SETD1B: variants seen among roughly 807,000 people sequenced by gnomAD.
SETD1B encodes the protein histone-lysine N-methyltransferase SETD1B.
Under a neutral mutation model 148.0 loss-of-function variants are expected in SETD1B, and 7 were observed. That is an observed-to-expected ratio of 0.05 (90% CI 0.03 to 0.09). The LOEUF (loss-of-function observed/expected upper bound fraction) is 0.09, where lower values mean the gene tolerates loss of function less well. SETD1B is among the 10% of genes least tolerant of loss of function. SETD1B has a pLI of 1.00. For synonymous variants in SETD1B, 1,361 were observed against 1,186.5 expected (o/e 1.15, Z -3.02); for missense variants, 2,155 against 2,729.9 (o/e 0.79, Z 4.69).
intron 6 of SETD1B, among the ~76,000 whole-genome samples, chr12:121,812,840 G>T (rs751864247): frequency 1.2e-4 from 18 of 151,974 alleles, no homozygotes; most frequent in Non-Finnish European, 2.5e-4. Context: ...CCTTAGTTTG[G>T]GTAGTCTCCG....
chr12:121,827,183 G>A (rs933008969), intron 13 of SETD1B, among the ~76,000 whole-genome samples: 13 of 152,112 alleles, frequency 8.5e-5, no homozygotes, highest in African/African-American at 2.7e-4. Context: ...CAAGGGTTTC[G>A]GAAGGATCCC....
chr12:121,822,800 C>G lies in SETD1B; in HGVS notation c.4221C>G (p.Pro1407=), dbSNP rs1243684947. Residue 1407 remains proline (P), a synonymous_variant, in exon 12 of 17, where the codon CCC becomes CCG. Transcript: ENST00000604567. ...SLSSPQVPGS[P]FSYPAPSPSL... Reference sequence around the variant, plus strand: ...GCTCTCCGCAAGTGCCCGGCAGCCCCTTCTCCTACCCAGCCCCGTCCCCTA... The same window carrying G: ...GCTCTCCGCAAGTGCCCGGCAGCCCGTTCTCCTACCCAGCCCCGTCCCCTA... 6.6e-7 allele frequency: 1 copy of G among 1,511,120 alleles called. No homozygotes were observed. Among genetic ancestry groups the G allele is most frequent in the Non-Finnish European group, 8.9e-7 (1 of 1,124,404 alleles). The allele number at this position is 1,511,120 out of a possible 1,614,324, so 93.6% of individuals were successfully genotyped here. A position where few individuals can be genotyped will look rare whatever the true frequency, so the allele number is the denominator to read the frequency against.
rs1190786185 is a variant in SETD1B, at chr12:121,804,113, G to A, written c.-135G>A. ...CGGCAGCGGCAGCAGCTCCGGGCCC[G>A]GCAGCCGCGGCGGCGGCGCCCCCCC... is the stretch of plus-strand genomic sequence containing the variant. On this transcript the variant is annotated 5_prime_UTR_variant, in exon 1 of 17. Coordinates refer to ENST00000604567, the MANE Select transcript of SETD1B (RefSeq NM_001353345.2). The surrounding 1 kb of genome is among the most constrained non-coding windows in gnomAD (Gnocchi z 4.6). 7 of 151,748 alleles carry A rather than the reference G, an allele frequency of 4.6e-5. No homozygotes were observed. The highest frequency in any genetic ancestry group is 8.8e-5 in the Non-Finnish European group (6 of 68,356). The allele number at this position is 151,748 out of a possible 1,614,324, so 9.4% of individuals were successfully genotyped here.
the SETD1B span, chr12:121,794,395 A>T: frequency 6.6e-6 from 1 of 152,144 alleles, no homozygotes; most frequent in Non-Finnish European, 1.5e-5. Flanking sequence ...GCCCGAAACC[A>T]CTAGGGGCGG....
chr12:121,827,392 C>A, intron 13 of SETD1B, 127 bp from the exon 14 acceptor site: 2 of 1,195,058 alleles, frequency 1.7e-6, no homozygotes, highest in Non-Finnish European at 2.3e-6. Flanking sequence ...CAATTAGGGA[C>A]CGACAGGTGT....
intron 11 of SETD1B, 69 bp downstream of exon 11, chr12:121,819,964 C>T (rs894767990): frequency 8.8e-6 from 12 of 1,362,274 alleles, no homozygotes; most frequent in Middle Eastern, 3.8e-4. Flanking sequence ...AGAATCAGCC[C>T]GGGCTTCCTG....
chr12:121,819,806 T>C lies in SETD1B; in HGVS notation c.3821T>C (p.Leu1274Pro). ...AGGGAGCCGCCTGAGGAACCAGGCC[T>C]GAGCCAGGAAGGGGCCATGTTGCTG... ...DSREPPEEPGLSQEGAMLLSP... is the reference protein window; with the variant it reads ...DSREPPEEPGPSQEGAMLLSP... The change falls in exon 11 of 17, where the codon CTG (leucine) becomes CCG (proline). Residue 1274 changes from leucine (L) to proline (P), a missense_variant. Physicochemically the swap from Leu to Pro is moderately conservative, Grantham distance 98. Around this residue, in one of 11 missense-constraint regions of SETD1B, gnomAD observed 862 missense variants for 873.8 expected, o/e 0.99. Transcript: ENST00000604567. 6.4e-7 allele frequency: 1 copy of C among 1,551,614 alleles called. No individual in the cohort carries two copies. Among genetic ancestry groups the C allele is most frequent in the African/African-American group, 1.4e-5 (1 of 73,150 alleles).
At position 121,818,164 on chromosome 12, in the gene SETD1B, C is replaced by T. The variant is rs1009434384; in HGVS notation, c.3418+260C>T. On this transcript the variant is annotated intron_variant, in intron 10 of 16. Transcript: ENST00000604567. ...CGGTGTTCAGGGGGGCTTGCTCAGC[C>T]TACATGGCTTCCTTTTCAACTGATA... Among the ~76,000 whole-genome samples the T allele has an allele frequency of 7.9e-5, 12 of 152,184 alleles. 1 individual carries two copies. The highest frequency in any genetic ancestry group is 1.8e-4 in the Non-Finnish European group (12 of 68,034).
chr12:121,812,216 C>G (rs1876068153), intron 6 of SETD1B, among the ~76,000 whole-genome samples: 1 of 152,100 alleles, frequency 6.6e-6, no homozygotes, highest in South Asian at 2.1e-4. Flanking sequence ...AGCTGGACCC[C>G]GTCCCATCCT....
At chr12:121,820,095 C>G (rs948924521) in intron 11 of SETD1B, among the ~76,000 whole-genome samples, 200 bp downstream of exon 11, 2 of 152,246 alleles carry the variant, frequency 1.3e-5, no homozygotes, top group Admixed American at 6.5e-5. Context: ...CTGCATGGAT[C>G]AACCCAAAGG....
rs1219634455 is a variant in SETD1B, at chr12:121,809,916, G to A, written c.971G>A (p.Arg324His). 2.1e-5 allele frequency: 32 copies of A among 1,550,774 alleles called. No homozygotes were observed. Among genetic ancestry groups the A allele is most frequent in the Non-Finnish European group, 2.4e-5 (28 of 1,146,966 alleles). ...AAGTTCACGGACGCCTACAACCGCC[G>A]CCACGAACATCATTATGTACACAAT... ...ESKFTDAYNR[R>H]HEHHYVHNSP... is the part of the protein sequence containing the mutation. The change falls in exon 6 of 17, where the codon CGC becomes CAC. Residue 324 changes from arginine to histidine, a missense_variant. Coordinates refer to ENST00000604567, the MANE Select transcript of SETD1B (RefSeq NM_001353345.2).
intron 7 of SETD1B, among the ~76,000 whole-genome samples, chr12:121,816,287 G>A (rs774814908): frequency 4.4e-5 from 5 of 112,622 alleles, no homozygotes; most frequent in African/African-American, 1.7e-4. Context: ...TCCCTCGACC[G>A]TGGTTATGAG....
At position 121,822,732 on chromosome 12, in the gene SETD1B, G is replaced by A. The variant is rs140259604; in HGVS notation, c.4153G>A (p.Gly1385Arg). 4.6e-5 allele frequency: 70 copies of A among 1,519,244 alleles called. 1 individual carries two copies. Among genetic ancestry groups the A allele is most frequent in the African/African-American group, 3.5e-4 (25 of 72,410 alleles). The allele number at this position is 1,519,244 out of a possible 1,614,324, so 94.1% of individuals were successfully genotyped here. A position where few individuals can be genotyped will look rare whatever the true frequency, so the allele number is the denominator to read the frequency against. ...AGAGACGGTGCCAGCCACACCAGGC[G>A]GGGAGCCCCCGCTATCAGGGGGCAG... ...STETVPATPG[G>R]EPPLSGGSSG... Residue 1385 changes from glycine (G) to arginine (R), a missense_variant, in exon 12 of 17, where the codon GGG (glycine) becomes AGG (arginine). This residue lies in a region of SETD1B where 862 missense variants were observed against 873.8 expected (regional missense o/e 0.99). Coordinates refer to ENST00000604567, the MANE Select transcript of SETD1B (RefSeq NM_001353345.2).
At position 121,823,017 on chromosome 12, in the gene SETD1B, CTGCCCT is replaced by C. The variant is rs775262101; in HGVS notation, c.4447_4452del (p.Pro1483_Leu1484del). 5.9e-5 allele frequency: 89 copies of C among 1,521,192 alleles called. No individual in the cohort carries two copies. The South Asian group carries it at 1.1e-3, about 18-fold the overall frequency. 94.2% of individuals were successfully genotyped at this position (1,521,192 alleles called of 1,614,324 possible). A position where few individuals can be genotyped will look rare whatever the true frequency, so the allele number is the denominator to read the frequency against. Reference sequence around the variant, plus strand: ...CCTGCCCCTCCCTCTGCCCCTTCCCCTGCCCTTGCCCTTGGCATTGCCCGCCGTCTT... The same window carrying C: ...CCTGCCCCTCCCTCTGCCCCTTCCCCTGCCCTTGGCATTGCCCGCCGTCTT... On this transcript the variant is annotated inframe_deletion, in exon 12 of 17. Transcript: ENST00000604567.
chr12:121,806,117 A>C lies in SETD1B; in HGVS notation c.544+12A>C. The C allele has an allele frequency of 6.5e-7, 1 of 1,549,580 alleles. No individual in the cohort carries two copies. The highest frequency in any genetic ancestry group is 8.7e-7 in the Non-Finnish European group (1 of 1,145,472). On this transcript the variant is annotated intron_variant, in intron 4 of 16. Coordinates refer to ENST00000604567, the MANE Select transcript of SETD1B (RefSeq NM_001353345.2). ...GCTGGACACCAAAGGTGAGCCTGGC[A>C]GGGGAGGAGCGTGGGGAGACCTGTC... is the stretch of plus-strand genomic sequence containing the variant.
In SETD1B at chr12:121,805,094, C is replaced by T. The variant is rs906895752; in HGVS notation, c.175-24C>T. 5.8e-6 allele frequency: 9 copies of T among 1,543,390 alleles called. 1 individual carries two copies. The African/African-American group carries it at 9.6e-5, about 16-fold the overall frequency. The stretch of plus-strand genomic sequence containing the variant: ...GGGAGGGGGACCAGTTCTCTCATCC[C>T]GGCCCCCCAATTTCTCCCCACAGAT... On this transcript the variant is annotated intron_variant, in intron 2 of 16. Coordinates refer to ENST00000604567, the MANE Select transcript of SETD1B (RefSeq NM_001353345.2). This position sits in a 1 kb window ranked among gnomAD's most constrained non-coding sequence, Gnocchi z 4.2.
In SETD1B at chr12:121,805,168, G is replaced by A. The variant is rs370308024; in HGVS notation, c.225G>A (p.Gly75=). 3.5e-4 allele frequency: 544 copies of A among 1,551,584 alleles called. No homozygotes were observed. Among genetic ancestry groups the A allele is most frequent in the Middle Eastern group, 3.0e-3 (18 of 5,906 alleles). ...VEIVEDPRVV[G]IWTKNKELEL... is the part of the protein sequence containing the mutation. ...TTGTCGAAGATCCCCGGGTCGTCGG[G>A]ATCTGGACCAAAAACAAGGAGCTGG... is the stretch of plus-strand genomic sequence containing the variant. The change falls in exon 3 of 17, where the codon GGG becomes GGA. Residue 75 remains glycine (G), a synonymous_variant. Transcript: ENST00000604567. The surrounding 1 kb of genome is among the most constrained non-coding windows in gnomAD (Gnocchi z 4.2).
chr12:121,806,378 GC>G lies in SETD1B; in HGVS notation c.544+274del, dbSNP rs1376450339. 1.1e-4 allele frequency among the ~76,000 whole-genome samples: 17 copies of G among 152,202 alleles called. No individual in the cohort carries two copies. The East Asian group carries it at 3.3e-3, about 29-fold the overall frequency. On this transcript the variant is annotated intron_variant, in intron 4 of 16. Transcript: ENST00000604567. ...AGGCTTCCCCACCGCTGACACCCCCGCGGGCCCCCTCTCTGAGCCCTGGTGG... is the reference window on the plus strand; with the variant it reads ...AGGCTTCCCCACCGCTGACACCCCCGGGGCCCCCTCTCTGAGCCCTGGTGG...
At chr12:121,829,913 G>T (rs1375529003) in intron 16 of SETD1B, among the ~76,000 whole-genome samples, 153 bp from the exon 17 acceptor site, 1 of 152,008 alleles carries the variant, frequency 6.6e-6, no homozygotes, top group Non-Finnish European at 1.5e-5. Context: ...ACCCCTGGGG[G>T]TCGGGGGAGC....
Sources: gnomAD v4.1 joint callset for allele counts (sites outside exome capture counted in the v4.1 genomes callset) on GRCh38, gnomAD v4.1.1 for gene constraint, gnomAD v4.1.1 regional missense constraint, Gnocchi (gnomAD v3.1) non-coding constraint, MANE v1.5 for transcripts, NCBI Gene and HGNC (gene_info 2026-07-23, HGNC 2026-07-21) for gene names.